The following DOCK10 variants were observed in gnomAD, a reference collection of about 807,000 sequenced individuals.
DOCK10 encodes dedicator of cytokinesis 10, also known as dedicator of cytokinesis protein 10.
Under a neutral mutation model 280.1 loss-of-function variants are expected in DOCK10, and 145 were observed. The observed-to-expected ratio is 0.52, with a 90% CI of 0.45 to 0.59. DOCK10 has a LOEUF of 0.59. DOCK10 is among the 20% of genes least tolerant of loss of function. The probability of loss-of-function intolerance (pLI) is 0.00; values close to 1 mark genes in which losing one functional copy is unlikely to be tolerated. For missense variants in DOCK10, 2,368 were observed against 2,651.7 expected (o/e 0.89, Z 2.35); for synonymous variants, 915 against 942.2 (o/e 0.97, Z 0.53).
chr2:225,023,008 ATAAAT>A (rs943814670), intron 1 of DOCK10, among the ~76,000 whole-genome samples: 1 of 152,192 alleles, frequency 6.6e-6, no homozygotes, highest in African/African-American at 2.4e-5. Context: ...TGCAACTTAA[ATAAAT>A]TAAACAAATT....
chr2:224,931,031 ACTAT>A (rs1443682792), intron 2 of DOCK10, among the ~76,000 whole-genome samples: 1 of 152,102 alleles, frequency 6.6e-6, no homozygotes, highest in Non-Finnish European at 1.5e-5. Flanking sequence ...CCTAAAGGGG[ACTAT>A]CTGAGACCGC....
chr2:224,880,171 A>C (rs1159363363), intron 7 of DOCK10, among the ~76,000 whole-genome samples: 1 of 152,224 alleles, frequency 6.6e-6, no homozygotes, highest in Non-Finnish European at 1.5e-5. Flanking sequence ...TATAATCACA[A>C]ATATTCTTAA....
chr2:224,835,283 G>A (rs1033654802), intron 25 of DOCK10, among the ~76,000 whole-genome samples: 11 of 152,230 alleles, frequency 7.2e-5, no homozygotes, highest in African/African-American at 2.4e-4. Context: ...CTCATGCCAT[G>A]CACAGTTATT....
chr2:225,013,832 AG>A (rs1689510685), intron 1 of DOCK10, among the ~76,000 whole-genome samples: 1 of 152,130 alleles, frequency 6.6e-6, no homozygotes, highest in South Asian at 2.1e-4. Context: ...GAATTGACAC[AG>A]AAAATCCATC....
rs371895215 is a variant in DOCK10, at chr2:224,952,538, GCAAA to G, written c.124-20874_124-20871del. Among the ~76,000 whole-genome samples, 502 of 151,940 alleles carry G rather than the reference GCAAA, an allele frequency of 3.3e-3. 1 individual carries two copies. The highest frequency in any genetic ancestry group is 0.017 in the Middle Eastern group (5 of 292). On this transcript the variant is annotated intron_variant, in intron 1 of 55. Transcript: ENST00000258390. Reference sequence around the variant, plus strand: ...GAAAAATAATGGTGGAGGAAAGGCAGCAAACAAAGTCAATATACTATGTGAAAGT... The same window carrying G: ...GAAAAATAATGGTGGAGGAAAGGCAGCAAAGTCAATATACTATGTGAAAGT...
At chr2:224,878,702 G>T (rs1405023093) in intron 7 of DOCK10, among the ~76,000 whole-genome samples, 1 of 152,250 alleles carries the variant, frequency 6.6e-6, no homozygotes, top group Non-Finnish European at 1.5e-5. Context: ...GAAATTCACA[G>T]CTCAAACATC....
At chr2:224,983,237 G>C (rs758007736) in intron 1 of DOCK10, among the ~76,000 whole-genome samples, 1 of 152,182 alleles carries the variant, frequency 6.6e-6, no homozygotes, top group Non-Finnish European at 1.5e-5. Context: ...TGGTAGTTAA[G>C]AGTCTGGTAT....
intron 1 of DOCK10, among the ~76,000 whole-genome samples, chr2:225,040,653 T>C (rs757684946): frequency 3.6e-4 from 55 of 152,114 alleles, no homozygotes; most frequent in Non-Finnish European, 1.0e-4. Context: ...AAGCTGTTTA[T>C]TCCAATTGAA....
At chr2:224,804,995 G>A (rs1281809131) in intron 37 of DOCK10, 63 bp downstream of exon 37, 1 of 1,402,618 alleles carries the variant, frequency 7.1e-7, no homozygotes, top group Admixed American at 2.4e-5. Flanking sequence ...AATGAAACAT[G>A]GTATAGTGGA....
chr2:224,849,527 T>A lies in DOCK10; in HGVS notation c.2215A>T (p.Asn739Tyr), dbSNP rs1696588273. 5 of 1,611,990 alleles carry A rather than the reference T, an allele frequency of 3.1e-6. No individual in the cohort carries two copies. The highest frequency in any genetic ancestry group is 4.2e-6 in the Non-Finnish European group (5 of 1,179,150). The change falls in exon 19 of 56, where the codon AAT becomes TAT. Residue 739 changes from asparagine (N) to tyrosine (Y), a missense_variant. Physicochemically the swap from Asn to Tyr is moderately radical, Grantham distance 143. Around this residue, in one of 2 missense-constraint regions of DOCK10, gnomAD observed 1,209 missense variants for 1,250.9 expected, o/e 0.97. Coordinates refer to ENST00000258390, the MANE Select transcript of DOCK10 (RefSeq NM_014689.3). ...AYTAVLHHSQ[N>Y]PDFSDEVKIE... ...CTTACCTCATCTGAGAAATCCGGAT[T>A]CTGAGAGTGGTGCAGAACTGCTGTG...
At chr2:224,858,603 G>A (rs754156319) in intron 14 of DOCK10, among the ~76,000 whole-genome samples, 3 of 152,222 alleles carry the variant, frequency 2.0e-5, no homozygotes, top group Admixed American at 6.5e-5. Context: ...GCAGTGAGCC[G>A]AGATTGTGCC....
At chr2:224,801,520 A>G (rs1487796590) in intron 40 of DOCK10, among the ~76,000 whole-genome samples, 1 of 152,048 alleles carries the variant, frequency 6.6e-6, no homozygotes, top group Non-Finnish European at 1.5e-5. Flanking sequence ...GCTGGCCTCC[A>G]TTTTACCCTC....
intron 48 of DOCK10, among the ~76,000 whole-genome samples, chr2:224,787,968 C>G (rs1267979024): frequency 6.6e-6 from 1 of 152,132 alleles, no homozygotes; most frequent in African/African-American, 2.4e-5. Context: ...ATACTTTTAT[C>G]TGTGTTATAG....
At chr2:224,983,546 C>T in intron 1 of DOCK10, 1 of 241,598 alleles carries the variant, frequency 4.1e-6, no homozygotes, top group Non-Finnish European at 8.6e-6. Flanking sequence ...GGCTCCTCGG[C>T]GTGAAGGGTG....
chr2:224,844,646 C>G, intron 22 of DOCK10, 107 bp downstream of exon 22: 1 of 751,910 alleles, frequency 1.3e-6, no homozygotes, highest in Admixed American at 2.3e-5. Flanking sequence ...AAACACCTGC[C>G]TTTCTGACAC....
At chr2:224,908,166 T>TTGTGTGTG (rs369490326) in intron 3 of DOCK10, among the ~76,000 whole-genome samples, 2,202 of 136,244 alleles carry the variant, frequency 0.016, 57 homozygotes, top group African/African-American at 0.058. Context: ...TTTAAATGAG[T>TTGTGTGTG]TGTGTGTGTG....
In DOCK10 at chr2:224,775,034, C is replaced by T. The variant is rs1008538331; in HGVS notation, c.5884G>A (p.Glu1962Lys). The stretch of plus-strand genomic sequence containing the variant: ...ATTTCGAAATCTGTCTTCCGGTCTT[C>T]GATTTCCTTTTCCTCAAAGAACGGC... Reference protein sequence around the residue: ...VTPFFEEKEIEDRKTDFEMHH... With the variant: ...VTPFFEEKEIKDRKTDFEMHH... Residue 1962 changes from glutamate (E) to lysine (K), a missense_variant, in exon 52 of 56, where the codon GAA becomes AAA. Physicochemically the swap from Glu to Lys is moderately conservative, Grantham distance 56 (BLOSUM62 1). This residue lies in a region of DOCK10 where 1,159 missense variants were observed against 1,400.8 expected (regional missense o/e 0.83). Transcript: ENST00000258390. 2.0e-5 allele frequency: 33 copies of T among 1,614,020 alleles called. No homozygotes were observed. Among genetic ancestry groups the T allele is most frequent in the Admixed American group, 5.0e-5 (3 of 60,022 alleles).
At chr2:224,854,642 G>T (rs1448515648) in intron 16 of DOCK10, among the ~76,000 whole-genome samples, 1 of 152,088 alleles carries the variant, frequency 6.6e-6, no homozygotes, top group Non-Finnish European at 1.5e-5. Context: ...GGGTTTTGAG[G>T]ATTAAATGAC....
intron 1 of DOCK10, among the ~76,000 whole-genome samples, chr2:224,935,006 G>T (rs886380263): frequency 6.6e-6 from 1 of 152,126 alleles, no homozygotes; most frequent in East Asian, 1.9e-4. Flanking sequence ...AGAATTAAGA[G>T]ATTTCTTTGA....
Sources: allele counts gnomAD v4.1 joint callset (sites outside exome capture counted in the v4.1 genomes callset), GRCh38; gene constraint gnomAD v4.1.1; regional missense constraint gnomAD v4.1.1; transcripts MANE v1.5; gene names NCBI Gene and HGNC (gene_info 2026-07-23, HGNC 2026-07-21).